The following SRPRB variants were observed in gnomAD, a reference collection of about 807,000 sequenced individuals.
SRPRB encodes the protein signal recognition particle receptor subunit beta.
Under a neutral mutation model 31.9 loss-of-function variants are expected in SRPRB, and 20 were observed. The observed-to-expected ratio is 0.63, with a 90% CI of 0.44 to 0.91. The LOEUF is 0.91. SRPRB is among the 40% of genes least tolerant of loss of function. SRPRB has a pLI of 0.00. For synonymous variants in SRPRB, 146 were observed against 132.8 expected, an observed-to-expected ratio of 1.10 and a Z score of -0.68; for missense variants, 321 against 324.9, an observed-to-expected ratio of 0.99 and a Z score of 0.09.
Position 133,820,800 on chromosome 3 carries a change from A to C in SRPRB, c.*1034A>C, listed in dbSNP as rs1935458623. On this transcript the variant is annotated 3_prime_UTR_variant, in exon 7 of 7. Coordinates refer to ENST00000678299, the MANE Select transcript of SRPRB (RefSeq NM_001379313.1). ...TTAAATAGAATGTAATGGTGAGTAC[A>C]AATGAGTGCACATGTCAGGACTCAG... 1 of 152,244 alleles carries C rather than the reference A, an allele frequency of 6.6e-6. No homozygotes were observed. 9.4% of individuals were successfully genotyped at this position (152,244 alleles called of 1,614,324 possible). A position where few individuals can be genotyped will look rare whatever the true frequency, so the allele number is the denominator to read the frequency against.
At chr3:133,808,917 A>G (rs1378865610) in intron 3 of SRPRB, among the ~76,000 whole-genome samples, 6 of 151,384 alleles carry the variant, frequency 4.0e-5, no homozygotes, top group African/African-American at 1.5e-4. Flanking sequence ...ATAAGGAATC[A>G]TGGGAAAGAC....
chr3:133,788,038 A>G (rs942786895), intron 1 of SRPRB: 7 of 152,236 alleles, frequency 4.6e-5, no homozygotes, highest in Admixed American at 6.5e-5. Flanking sequence ...GAATATTCCT[A>G]TTTAGAAGAC....
chr3:133,823,256 C>A (rs1178327230), downstream of SRPRB, among the ~76,000 whole-genome samples: 1 of 152,102 alleles, frequency 6.6e-6, no homozygotes, highest in Non-Finnish European at 1.5e-5. Flanking sequence ...TATATTGTTT[C>A]AAGGGTTTTT....
chr3:133,819,860 A>C lies in SRPRB; in HGVS notation c.*94A>C. The C allele has an allele frequency of 9.1e-7, 1 of 1,096,096 alleles. No individual in the cohort carries two copies. The highest frequency in any genetic ancestry group is 1.4e-5 in the South Asian group (1 of 71,660). 67.9% of individuals were successfully genotyped at this position (1,096,096 alleles called of 1,614,324 possible). A position where few individuals can be genotyped will look rare whatever the true frequency, so the allele number is the denominator to read the frequency against. On this transcript the variant is annotated 3_prime_UTR_variant, in exon 7 of 7. Transcript: ENST00000678299. ...GGAGTTGATGAGGAAGGGGTACAAG[A>C]TGTGGTTAGAAACATTTCTTTGTTC... is the stretch of plus-strand genomic sequence containing the variant.
chr3:133,806,068 C>T, intron 1 of SRPRB, 66 bp downstream of exon 1: 6 of 1,565,500 alleles, frequency 3.8e-6, no homozygotes, highest in Non-Finnish European at 5.2e-6. Flanking sequence ...GGCTGCACCG[C>T]TGCAGGCCGG....
At chr3:133,828,068 A>G (rs757225817), downstream of SRPRB, 7 of 675,398 alleles carry the variant, frequency 1.0e-5, no homozygotes, top group Non-Finnish European at 1.9e-5. Context: ...AACCCCCTTC[A>G]AGGCTTTTCA....
chr3:133,797,421 A>G (rs77631524), intron 1 of SRPRB, among the ~76,000 whole-genome samples: 289 of 152,306 alleles, frequency 1.9e-3, no homozygotes, highest in Middle Eastern at 0.01. Flanking sequence ...TATGTGCACC[A>G]TTTATTCAAT....
chr3:133,784,987 G>T, intron 1 of SRPRB: 1 of 134,366 alleles, frequency 7.4e-6, no homozygotes, highest in Non-Finnish European at 1.7e-5. Context: ...CCCCGTCCGG[G>T]AGGGAGGTGG....
downstream of SRPRB, chr3:133,827,050 T>G (rs1485970615): frequency 6.5e-6 from 1 of 152,696 alleles, no homozygotes; most frequent in African/African-American, 2.4e-5. Flanking sequence ...TCCTCTCTTC[T>G]TCACCTGAAG....
At chr3:133,803,065 A>G (rs180679647), upstream of SRPRB, among the ~76,000 whole-genome samples, 1 of 152,186 alleles carries the variant, frequency 6.6e-6, no homozygotes, top group African/African-American at 2.4e-5. Flanking sequence ...CATCTCTCAA[A>G]TTTGTGCTCT....
intron 1 of SRPRB, chr3:133,796,004 A>C (rs1657247193): frequency 6.6e-6 from 1 of 152,372 alleles, no homozygotes; most frequent in South Asian, 2.1e-4. Flanking sequence ...AAGGAAACAC[A>C]TAGATCCTAG....
At position 133,819,323 on chromosome 3, in the gene SRPRB, A is replaced by G. The variant is rs372625375; in HGVS notation, c.603-230A>G. 2.6e-5 allele frequency among the ~76,000 whole-genome samples: 4 copies of G among 152,130 alleles called. No homozygotes were observed. In the East Asian group the frequency reaches 7.8e-4, roughly 30 times the overall value. ...GTTGGTGTGACCTGGTCTACTGCTG[A>G]CCTGCCTTCTAGCCCTGTGAGGTCT... is the stretch of plus-strand genomic sequence containing the variant. On this transcript the variant is annotated intron_variant, in intron 6 of 6. Coordinates refer to ENST00000678299, the MANE Select transcript of SRPRB (RefSeq NM_001379313.1).
chr3:133,816,979 A>AT, intron 6 of SRPRB, 47 bp downstream of exon 6: 1 of 1,480,560 alleles, frequency 6.8e-7, no homozygotes. Flanking sequence ...CTTAACACTT[A>AT]GACTGTAAGC....
At chr3:133,801,043 T>C (rs1479499795), upstream of SRPRB, among the ~76,000 whole-genome samples, 2 of 152,222 alleles carry the variant, frequency 1.3e-5, no homozygotes, top group Non-Finnish European at 2.9e-5. Context: ...ATAATAAGCA[T>C]GTGTTAAATT....
chr3:133,805,029 C>G (rs550085797), upstream of SRPRB, among the ~76,000 whole-genome samples: 7 of 152,288 alleles, frequency 4.6e-5, no homozygotes, highest in African/African-American at 1.4e-4. Context: ...TAAAAATCTG[C>G]CTTTATTGCT....
intron 3 of SRPRB, chr3:133,810,695 A>C (rs3860500): frequency 6.5e-6 from 1 of 153,242 alleles, no homozygotes; most frequent in South Asian, 2.1e-4. Context: ...CTTATATTAC[A>C]TTATTAGTTT....
intron 1 of SRPRB, chr3:133,796,776 C>T (rs1325844534): frequency 6.6e-6 from 1 of 152,162 alleles, no homozygotes; most frequent in East Asian, 1.9e-4. Flanking sequence ...ATCTAGTCTT[C>T]TAGATGTTTA....
upstream of SRPRB, among the ~76,000 whole-genome samples, chr3:133,802,948 C>A (rs1363340176): frequency 6.6e-6 from 1 of 152,200 alleles, no homozygotes; most frequent in Admixed American, 6.5e-5. Context: ...GCTTTCTCAT[C>A]TTCCTAGTCA....
chr3:133,805,290 C>T (rs1437292027), upstream of SRPRB, among the ~76,000 whole-genome samples: 1 of 152,188 alleles, frequency 6.6e-6, no homozygotes, highest in Non-Finnish European at 1.5e-5. Flanking sequence ...TTCTTCTGCA[C>T]AGCACCTTTT....
Sources: allele counts gnomAD v4.1 joint callset (sites outside exome capture counted in the v4.1 genomes callset), GRCh38; gene constraint gnomAD v4.1.1; transcripts MANE v1.5; gene names NCBI Gene and HGNC (gene_info 2026-07-23, HGNC 2026-07-21).